SHOX: variants seen among roughly 807,000 people sequenced by gnomAD.
SHOX encodes SHOX homeobox.
A neutral mutation model predicts 29.6 loss-of-function variants in SHOX; 12 were observed. That is an observed-to-expected ratio of 0.41 (90% CI 0.26 to 0.66). The LOEUF is 0.66. SHOX is among the 30% of genes least tolerant of loss of function. The pLI is 0.35. For synonymous variants in SHOX, 214 were observed against 200.6 expected, an observed-to-expected ratio of 1.07 and a Z score of -0.57; for missense variants, 499 against 437.7, an observed-to-expected ratio of 1.14 and a Z score of -1.25.
intron 2 of SHOX, among the ~76,000 whole-genome samples, chrX:638,277 G>C (rs1367510727): frequency 1.3e-5 from 2 of 151,650 alleles, no homozygotes; most frequent in Non-Finnish European, 2.9e-5. Flanking sequence ...TCCTCTCGCC[G>C]TGTTGAAGGG....
Position 646,548 on chromosome X carries a change from AC to A in SHOX, c.*1913del, listed in dbSNP as rs1281561291. 7.3e-5 allele frequency: 11 copies of A among 151,438 alleles called. No individual in the cohort carries two copies. The highest frequency in any genetic ancestry group is 1.0e-4 in the Non-Finnish European group (7 of 67,888). The allele number at this position is 151,438 out of a possible 1,614,324, so 9.4% of individuals were successfully genotyped here. On this transcript the variant is annotated 3_prime_UTR_variant, in exon 5 of 5. Coordinates refer to ENST00000686671, the MANE Select transcript of SHOX (RefSeq NM_000451.4). ...AGGTGGGGATAAAAGAAAAAAAAAA[AC>A]AACTTCTTTTTTTCTTCCGCATAAC...
intron 2 of SHOX, among the ~76,000 whole-genome samples, chrX:636,389 A>G (rs1160881136): frequency 8.4e-6 from 1 of 118,444 alleles, no homozygotes; most frequent in East Asian, 2.4e-4. Context: ...TATTGTATAT[A>G]TATAAATATA....
intron 5 of SHOX, among the ~76,000 whole-genome samples, chrX:657,492 C>T (rs941756046): frequency 1.3e-5 from 2 of 152,118 alleles, no homozygotes; most frequent in African/African-American, 4.8e-5. Flanking sequence ...AAAAGCCACA[C>T]AAAATACATC....
At chrX:635,849 G>A (rs1233769758) in intron 2 of SHOX, among the ~76,000 whole-genome samples, 1 of 100,522 alleles carries the variant, frequency 9.9e-6, no homozygotes, top group Non-Finnish European at 2.0e-5. Flanking sequence ...GGACAGAAGT[G>A]GGGGGAGGGA....
At chrX:655,568 GTCTCTCTCTCTCTCTCTCTC>G (rs1228178183), downstream of SHOX, among the ~76,000 whole-genome samples, 28 of 87,878 alleles carry the variant, frequency 3.2e-4, no homozygotes, top group East Asian at 1.6e-3. Flanking sequence ...CTCTCTCTCT[GTCTCTCTCTCTCTCTCTCTC>G]TCTCTCTCTC....
downstream of SHOX, among the ~76,000 whole-genome samples, chrX:656,487 G>T (rs1181588992): frequency 6.6e-6 from 1 of 151,916 alleles, no homozygotes; most frequent in Admixed American, 6.6e-5. Flanking sequence ...AGGCGGAATT[G>T]CTTGAGCCCA....
chrX:655,058 G>A (rs1313557790), downstream of SHOX, among the ~76,000 whole-genome samples: 3 of 151,888 alleles, frequency 2.0e-5, no homozygotes, highest in Non-Finnish European at 4.4e-5. Flanking sequence ...ACTCCAGCCT[G>A]GCTGACAGAG....
chrX:626,777 TTTTCTC>T (rs771943757), upstream of SHOX, among the ~76,000 whole-genome samples: 3,279 of 148,724 alleles, frequency 0.022, 102 homozygotes, highest in African/African-American at 0.078. Flanking sequence ...TCTCCTCTCT[TTTTCTC>T]TGTCTCTGTA....
intron 5 of SHOX, among the ~76,000 whole-genome samples, chrX:658,250 C>T (rs907932044): frequency 3.3e-5 from 5 of 152,056 alleles, no homozygotes; most frequent in Non-Finnish European, 7.4e-5. Flanking sequence ...GCTGGGATGA[C>T]AGACATGAGC....
upstream of SHOX, among the ~76,000 whole-genome samples, chrX:629,391 TTCTC>T (rs369831266): frequency 1.5e-3 from 220 of 147,398 alleles, 2 homozygotes; most frequent in African/African-American, 5.2e-3. Context: ...GTGTCTCTCT[TTCTC>T]TCTCTCCATC....
At position 644,864 on chromosome X, in the gene SHOX, C is replaced by G; in HGVS notation, c.*228C>G. On this transcript the variant is annotated 3_prime_UTR_variant, in exon 5 of 5. Coordinates refer to ENST00000686671, the MANE Select transcript of SHOX (RefSeq NM_000451.4). ...GCAGAAGGCGGAGCGGGTGAGCGGCCGTGCGTCCAGCCCGGGCCTCTCCAA... is the reference window on the plus strand; with the variant it reads ...GCAGAAGGCGGAGCGGGTGAGCGGCGGTGCGTCCAGCCCGGGCCTCTCCAA... The G allele has an allele frequency of 1.8e-6, 1 of 562,912 alleles. No individual in the cohort carries two copies. The highest frequency in any genetic ancestry group is 2.8e-6 in the Non-Finnish European group (1 of 356,126). The allele number at this position is 562,912 out of a possible 1,614,324, so 34.9% of individuals were successfully genotyped here. A position where few individuals can be genotyped will look rare whatever the true frequency, so the allele number is the denominator to read the frequency against.
At chrX:652,866 A>G (rs1300545471), downstream of SHOX, among the ~76,000 whole-genome samples, 2 of 84,862 alleles carry the variant, frequency 2.4e-5, no homozygotes, top group Non-Finnish European at 4.7e-5. Flanking sequence ...GCTGACCTCA[A>G]CGCGTCCATC....
Position 650,436 on chromosome X carries a change from G to A in SHOX, c.*5800G>A, listed in dbSNP as rs920018822. On this transcript the variant is annotated 3_prime_UTR_variant, in exon 5 of 5. Transcript: ENST00000686671. ...TCCTTGGCCACGTCAGCACGTGGGA[G>A]CATCTGTGGATACCGCAGAGTCTGG... 2.0e-5 allele frequency among the ~76,000 whole-genome samples: 3 copies of A among 152,158 alleles called. No homozygotes were observed. Among genetic ancestry groups the A allele is most frequent in the Non-Finnish European group, 2.9e-5 (2 of 68,028 alleles).
chrX:638,607 A>C, intron 2 of SHOX, among the ~76,000 whole-genome samples: 1 of 152,166 alleles, frequency 6.6e-6, no homozygotes, highest in East Asian at 1.9e-4. Flanking sequence ...GGTAGGACCC[A>C]CTTTGGAAAT....
chrX:630,928 T>A lies in SHOX; in HGVS notation c.31T>A (p.Ser11Thr). Residue 11 changes from serine to threonine, a missense_variant, in exon 1 of 5, where the codon TCT becomes ACT. Physicochemically the swap from Ser to Thr is moderately conservative, Grantham distance 58. Coordinates refer to ENST00000686671, the MANE Select transcript of SHOX (RefSeq NM_000451.4). ...AGAGCTCACGGCTTTTGTATCCAAG[T>A]CTTTTGACCAGAAAAGCAAGGACGG... MEELTAFVSKSFDQKSKDGNG... is the reference protein window; with the variant it reads MEELTAFVSKTFDQKSKDGNG... 6.2e-7 allele frequency: 1 copy of A among 1,613,620 alleles called. No individual in the cohort carries two copies. The highest frequency in any genetic ancestry group is 8.5e-7 in the Non-Finnish European group (1 of 1,179,828).
chrX:652,787 G>T (rs982010749), downstream of SHOX, among the ~76,000 whole-genome samples: 5 of 152,156 alleles, frequency 3.3e-5, no homozygotes, highest in Admixed American at 3.3e-4. Context: ...TCTTCACCCA[G>T]CCTGTGTGTG....
In SHOX at chrX:651,159, G is replaced by T; in HGVS notation, c.*6523G>T. 1.0e-5 allele frequency: 4 copies of T among 384,820 alleles called. No individual in the cohort carries two copies. Among genetic ancestry groups the T allele is most frequent in the South Asian group, 1.9e-5 (1 of 51,700 alleles). The allele number at this position is 384,820 out of a possible 1,614,324, so 23.8% of individuals were successfully genotyped here. A position where few individuals can be genotyped will look rare whatever the true frequency, so the allele number is the denominator to read the frequency against. ...AAATATGTACTATTTTAATTATGTC[G>T]AGTGTAAATTTGACATCGCGTTGCA... On this transcript the variant is annotated 3_prime_UTR_variant, in exon 5 of 5. Transcript: ENST00000686671.
chrX:644,194 G>A, intron 4 of SHOX, 197 bp from the exon 5 acceptor site: 1 of 307,036 alleles, frequency 3.3e-6, no homozygotes, highest in Non-Finnish European at 4.8e-6. Context: ...CGGCTCCCGC[G>A]GATGCATCCA....
chrX:635,662 C>T (rs1365888031), intron 2 of SHOX, among the ~76,000 whole-genome samples: 7 of 152,182 alleles, frequency 4.6e-5, no homozygotes, highest in African/African-American at 1.7e-4. Context: ...CTTGGGTGTG[C>T]GCAGAGGGAC....
Sources: gnomAD v4.1 joint callset for allele counts (sites outside exome capture counted in the v4.1 genomes callset) on GRCh38, gnomAD v4.1.1 for gene constraint, MANE v1.5 for transcripts, NCBI Gene and HGNC (gene_info 2026-07-23, HGNC 2026-07-21) for gene names.